RGS7BP: variants seen among roughly 807,000 people sequenced by gnomAD.
RGS7BP encodes regulator of G protein signaling 7-binding protein.
In RGS7BP, 9 loss-of-function variants were observed where a neutral mutation model predicts 31.3. That is an observed-to-expected ratio of 0.29 (90% CI 0.17 to 0.50). The LOEUF (loss-of-function observed/expected upper bound fraction) is 0.50. Among genes scored for constraint, RGS7BP ranks in the 20% least tolerant of loss-of-function variants. RGS7BP has a pLI of 0.98. For missense variants in RGS7BP, 274 were observed against 322.0 expected (o/e 0.85, Z 1.14); for synonymous variants, 115 against 120.1 (o/e 0.96, Z 0.28).
At chr5:64,565,487 C>T (rs548090504) in intron 2 of RGS7BP, among the ~76,000 whole-genome samples, 4 of 151,908 alleles carry the variant, frequency 2.6e-5, no homozygotes, top group Non-Finnish European at 5.9e-5. Flanking sequence ...TCTGTTTATA[C>T]GTATTATTTT....
chr5:64,506,575 C>A lies in RGS7BP; in HGVS notation c.-50C>A, dbSNP rs1354961966. 8 of 1,529,124 alleles carry A rather than the reference C, an allele frequency of 5.2e-6. No homozygotes were observed. The highest frequency in any genetic ancestry group is 1.2e-5 in the South Asian group (1 of 83,204). The allele number at this position is 1,529,124 out of a possible 1,614,324, so 94.7% of individuals were successfully genotyped here. On this transcript the variant is annotated 5_prime_UTR_variant, in exon 1 of 6. Coordinates refer to ENST00000334025, the MANE Select transcript of RGS7BP (RefSeq NM_001029875.3). This position sits in a 1 kb window ranked among gnomAD's most constrained non-coding sequence, Gnocchi z 4.6. Reference sequence around the variant, plus strand: ...CGCCCAGGGCAACAACCGGGCCGCCCGCGCCGGGGCGCACTGCACCAGCGG... The same window carrying A: ...CGCCCAGGGCAACAACCGGGCCGCCAGCGCCGGGGCGCACTGCACCAGCGG...
chr5:64,527,732 A>G (rs1749269115), intron 2 of RGS7BP, among the ~76,000 whole-genome samples: 1 of 152,116 alleles, frequency 6.6e-6, no homozygotes. Flanking sequence ...AAAAAATGAC[A>G]TTAAGTGAAA....
At chr5:64,527,590 G>A (rs1243008769) in intron 2 of RGS7BP, among the ~76,000 whole-genome samples, 2 of 106,932 alleles carry the variant, frequency 1.9e-5, no homozygotes, top group African/African-American at 3.5e-5. Flanking sequence ...GTATATTAAA[G>A]CATTGCTTAT....
chr5:64,533,805 C>T (rs1749435799), intron 2 of RGS7BP, among the ~76,000 whole-genome samples: 1 of 152,198 alleles, frequency 6.6e-6, no homozygotes, highest in South Asian at 2.1e-4. Flanking sequence ...ATGTCTATTT[C>T]TAAGCTACAA....
chr5:64,511,063 G>A (rs1210235954), intron 2 of RGS7BP, among the ~76,000 whole-genome samples: 3 of 152,224 alleles, frequency 2.0e-5, no homozygotes, highest in Non-Finnish European at 4.4e-5. Context: ...AGAAGATGAG[G>A]CAAGATAGAG....
At chr5:64,541,978 T>G (rs1741537271) in intron 2 of RGS7BP, among the ~76,000 whole-genome samples, 1 of 152,126 alleles carries the variant, frequency 6.6e-6, no homozygotes, top group Admixed American at 6.5e-5. Flanking sequence ...TTCCATCTTA[T>G]TTTTTGTTCT....
chr5:64,580,615 T>G (rs1742565002), intron 3 of RGS7BP, among the ~76,000 whole-genome samples: 1 of 151,256 alleles, frequency 6.6e-6, no homozygotes, highest in Admixed American at 6.6e-5. Flanking sequence ...ATATATTTAT[T>G]TAATTTTATA....
intron 2 of RGS7BP, among the ~76,000 whole-genome samples, chr5:64,549,799 A>T (rs1278987473): frequency 2.0e-5 from 3 of 152,114 alleles, no homozygotes; most frequent in Non-Finnish European, 4.4e-5. Context: ...GAATTTTCCA[A>T]ATCCTCAAGT....
intron 2 of RGS7BP, among the ~76,000 whole-genome samples, chr5:64,514,738 T>C (rs1748926207): frequency 6.6e-6 from 1 of 152,160 alleles, no homozygotes; most frequent in Non-Finnish European, 1.5e-5. Flanking sequence ...TTCCCTGGTG[T>C]GCATGAGAGA....
At chr5:64,531,822 T>C (rs1469242942) in intron 2 of RGS7BP, among the ~76,000 whole-genome samples, 1 of 152,236 alleles carries the variant, frequency 6.6e-6, no homozygotes, top group Non-Finnish European at 1.5e-5. Flanking sequence ...TCAAACAACA[T>C]AGGGTATTTA....
intron 2 of RGS7BP, among the ~76,000 whole-genome samples, chr5:64,540,972 TC>T (rs1192413502): frequency 6.6e-6 from 1 of 152,216 alleles, no homozygotes; most frequent in African/African-American, 2.4e-5. Context: ...TCTGGAGAGC[TC>T]GGTGTTGGCA....
chr5:64,555,051 T>G (rs767241590), intron 2 of RGS7BP, among the ~76,000 whole-genome samples: 2 of 151,936 alleles, frequency 1.3e-5, no homozygotes, highest in Non-Finnish European at 2.9e-5. Context: ...AAGACCAGAA[T>G]GAGAAGATCC....
chr5:64,543,650 T>C (rs1741580907), intron 2 of RGS7BP, among the ~76,000 whole-genome samples: 1 of 152,228 alleles, frequency 6.6e-6, no homozygotes, highest in African/African-American at 2.4e-5. Context: ...AATGTCCAGG[T>C]ATAACCAATC....
chr5:64,571,896 T>C (rs1742308465), intron 2 of RGS7BP, among the ~76,000 whole-genome samples: 1 of 152,168 alleles, frequency 6.6e-6, no homozygotes, highest in Non-Finnish European at 1.5e-5. Flanking sequence ...CTTAGGGTTT[T>C]TTCTATCAAT....
At chr5:64,568,416 A>G (rs1279155741) in intron 2 of RGS7BP, among the ~76,000 whole-genome samples, 1 of 152,224 alleles carries the variant, frequency 6.6e-6, no homozygotes, top group Non-Finnish European at 1.5e-5. Flanking sequence ...AAGTGTAGGA[A>G]GGTGGAGGAA....
intron 2 of RGS7BP, among the ~76,000 whole-genome samples, chr5:64,531,039 G>A (rs142236064): frequency 5.3e-4 from 80 of 152,288 alleles, no homozygotes; most frequent in African/African-American, 1.8e-3. Context: ...AAACACTCCA[G>A]CTTCAAAGCT....
At chr5:64,507,647 C>A in intron 1 of RGS7BP, 64 bp from the exon 2 acceptor site, 1 of 1,479,624 alleles carries the variant, frequency 6.8e-7, no homozygotes, top group Non-Finnish European at 9.1e-7. Context: ...TTATGTACTC[C>A]GAAACAGGAA....
At chr5:64,586,019 T>A (rs1400123038) in intron 3 of RGS7BP, among the ~76,000 whole-genome samples, 1 of 152,198 alleles carries the variant, frequency 6.6e-6, no homozygotes, top group East Asian at 1.9e-4. Context: ...GAAATGATTT[T>A]AAATGTACAA....
intron 2 of RGS7BP, among the ~76,000 whole-genome samples, chr5:64,525,408 C>T (rs1227338715): frequency 6.6e-6 from 1 of 152,164 alleles, no homozygotes; most frequent in African/African-American, 2.4e-5. Context: ...AACTTTAGAG[C>T]TAAAGGTGTG....
Sources: allele counts gnomAD v4.1 joint callset (sites outside exome capture counted in the v4.1 genomes callset), GRCh38; gene constraint gnomAD v4.1.1; non-coding constraint Gnocchi (gnomAD v3.1); transcripts MANE v1.5; gene names NCBI Gene and HGNC (gene_info 2026-07-23, HGNC 2026-07-21).